CNTN5: variants seen among roughly 807,000 people sequenced by gnomAD.
CNTN5 encodes the protein contactin 5, also known as contactin-5.
A neutral mutation model predicts 129.1 loss-of-function variants in CNTN5; 77 were observed. The ratio of observed to expected loss-of-function variants is 0.60; its 90% CI spans 0.50 to 0.72. CNTN5 has a LOEUF of 0.72. Ranked by LOEUF, CNTN5 falls within the 30% of genes least tolerant of loss-of-function variation. The pLI, the probability that CNTN5 is intolerant of heterozygous loss-of-function variation, is 0.00. For synonymous variants in CNTN5, 509 were observed against 465.6 expected, an observed-to-expected ratio of 1.09 and a Z score of -1.20; for missense variants, 1,478 against 1,328.8, an observed-to-expected ratio of 1.11 and a Z score of -1.75.
At chr11:99,734,128 A>C (rs570789175) in intron 3 of CNTN5, among the ~76,000 whole-genome samples, 39 of 152,306 alleles carry the variant, frequency 2.6e-4, no homozygotes, top group African/African-American at 9.4e-4. Flanking sequence ...GTAGATGTAT[A>C]CATTTATGGG....
At chr11:100,103,412 A>G (rs1226953377) in intron 13 of CNTN5, among the ~76,000 whole-genome samples, 2 of 152,114 alleles carry the variant, frequency 1.3e-5, no homozygotes, top group Non-Finnish European at 1.5e-5. Flanking sequence ...ATCATGTACT[A>G]ATGTTGCTCT....
chr11:99,237,465 G>T (rs988560791), intron 1 of CNTN5, among the ~76,000 whole-genome samples: 1 of 152,100 alleles, frequency 6.6e-6, no homozygotes, highest in African/African-American at 2.4e-5. Context: ...GGCGCATCAC[G>T]AAGTGAGGAG....
intron 3 of CNTN5, among the ~76,000 whole-genome samples, chr11:99,717,009 C>T (rs899224346): frequency 5.9e-5 from 9 of 151,926 alleles, no homozygotes; most frequent in Non-Finnish European, 1.0e-4. Flanking sequence ...TATTTAGTAG[C>T]GTTGGTGAAA....
chr11:99,223,264 C>T (rs1376443227), intron 1 of CNTN5, among the ~76,000 whole-genome samples: 2 of 152,134 alleles, frequency 1.3e-5, no homozygotes, highest in South Asian at 4.1e-4. Context: ...ATGTCAGTAG[C>T]AGAGGATAAT....
At chr11:99,781,660 AT>A (rs1297865812) in intron 3 of CNTN5, among the ~76,000 whole-genome samples, 1 of 152,104 alleles carries the variant, frequency 6.6e-6, no homozygotes, top group Non-Finnish European at 1.5e-5. Context: ...TCAATGAACA[AT>A]TATGGGTTTC....
chr11:99,530,959 A>G (rs1430988951), intron 2 of CNTN5, among the ~76,000 whole-genome samples: 2 of 152,234 alleles, frequency 1.3e-5, no homozygotes, highest in Non-Finnish European at 1.5e-5. Flanking sequence ...TGATACCAGT[A>G]GAGTCGGGCG....
At chr11:99,259,984 G>T (rs1000054981) in intron 1 of CNTN5, among the ~76,000 whole-genome samples, 80 of 151,306 alleles carry the variant, frequency 5.3e-4, no homozygotes, top group Non-Finnish European at 1.0e-3. Flanking sequence ...TTGTCAATTT[G>T]TAAGTCCTTT....
At chr11:99,068,179 G>A (rs1403783831) in intron 1 of CNTN5, among the ~76,000 whole-genome samples, 7 of 152,138 alleles carry the variant, frequency 4.6e-5, no homozygotes, top group Non-Finnish European at 1.0e-4. Context: ...TTATAGCAGT[G>A]TAAAAATGGT....
intron 21 of CNTN5, among the ~76,000 whole-genome samples, chr11:100,317,967 C>T (rs1046806063): frequency 1.3e-5 from 2 of 151,476 alleles, no homozygotes; most frequent in Non-Finnish European, 2.9e-5. Flanking sequence ...CTCGGCTGGG[C>T]GCGATGGCTG....
intron 2 of CNTN5, among the ~76,000 whole-genome samples, chr11:99,353,658 A>G (rs1938449869): frequency 6.6e-6 from 1 of 152,196 alleles, no homozygotes; most frequent in Non-Finnish European, 1.5e-5. Context: ...CTTACCATCT[A>G]TAACTCAGTT....
At chr11:100,212,751 T>A (rs1324666111) in intron 15 of CNTN5, among the ~76,000 whole-genome samples, 1 of 152,106 alleles carries the variant, frequency 6.6e-6, no homozygotes, top group African/African-American at 2.4e-5. Flanking sequence ...ATTCAAAAAG[T>A]AAAATCTCAG....
At chr11:100,287,305 T>C (rs1396747689) in intron 18 of CNTN5, among the ~76,000 whole-genome samples, 14 of 150,552 alleles carry the variant, frequency 9.3e-5, no homozygotes, top group Admixed American at 3.3e-4. Flanking sequence ...CACATAATTG[T>C]CAGATTCACC....
chr11:99,295,111 C>T (rs1430002180), intron 1 of CNTN5, among the ~76,000 whole-genome samples: 1 of 152,128 alleles, frequency 6.6e-6, no homozygotes, highest in Non-Finnish European at 1.5e-5. Context: ...ACATTTAAAA[C>T]CTTTGAGAGA....
chr11:100,231,378 TG>T (rs1217359729), intron 16 of CNTN5, among the ~76,000 whole-genome samples: 3 of 152,016 alleles, frequency 2.0e-5, no homozygotes, highest in Non-Finnish European at 4.4e-5. Flanking sequence ...GGAAGGGGTG[TG>T]TATATATTCA....
intron 13 of CNTN5, among the ~76,000 whole-genome samples, chr11:100,140,043 C>T (rs1379879194): frequency 1.3e-5 from 2 of 151,942 alleles, no homozygotes; most frequent in Non-Finnish European, 2.9e-5. Context: ...GATAAGTTAT[C>T]AAGAGAAAGA....
intron 13 of CNTN5, among the ~76,000 whole-genome samples, chr11:100,145,840 G>A (rs1946835384): frequency 6.6e-6 from 1 of 152,090 alleles, no homozygotes; most frequent in African/African-American, 2.4e-5. Flanking sequence ...CAAACCATGA[G>A]AGGACTTAAG....
intron 21 of CNTN5, among the ~76,000 whole-genome samples, chr11:100,328,251 G>A (rs1451197940): frequency 1.3e-5 from 2 of 152,058 alleles, no homozygotes; most frequent in Non-Finnish European, 2.9e-5. Flanking sequence ...ACCTACTAGG[G>A]AGGCTGAGGT....
intron 9 of CNTN5, among the ~76,000 whole-genome samples, chr11:100,038,557 T>G (rs530141826): frequency 6.6e-6 from 1 of 152,298 alleles, no homozygotes; most frequent in Non-Finnish European, 1.5e-5. Flanking sequence ...TGTCTAATGT[T>G]GACAGTGAGG....
At chr11:99,888,491 G>A (rs183550600) in intron 6 of CNTN5, among the ~76,000 whole-genome samples, 48 of 152,282 alleles carry the variant, frequency 3.2e-4, no homozygotes, top group African/African-American at 1.1e-3. Flanking sequence ...ACTGACAACA[G>A]GAAGTGCCTA....
Sources: allele counts gnomAD v4.1 joint callset (sites outside exome capture counted in the v4.1 genomes callset), GRCh38; gene constraint gnomAD v4.1.1; transcripts MANE v1.5; gene names NCBI Gene and HGNC (gene_info 2026-07-23, HGNC 2026-07-21).